CPNE4: variants seen among roughly 807,000 people sequenced by gnomAD.
CPNE4 encodes copine-4.
In CPNE4, 25 loss-of-function variants were observed where a neutral mutation model predicts 67.9. That is an observed-to-expected ratio of 0.37 (90% CI 0.27 to 0.51). The LOEUF (loss-of-function observed/expected upper bound fraction) is 0.51, where lower values mean the gene tolerates loss of function less well. CPNE4 is among the 20% of genes least tolerant of loss of function. The pLI is 0.93. For missense variants in CPNE4, 464 were observed against 690.8 expected, an observed-to-expected ratio of 0.67 and a Z score of 3.68; for synonymous variants, 242 against 244.9, an observed-to-expected ratio of 0.99 and a Z score of 0.11.
rs1560322894 is a variant in CPNE4, at chr3:131,792,698, TATACAC to T, written c.181-69079_181-69074del. Among the ~76,000 whole-genome samples, 73 of 78,208 alleles carry T rather than the reference TATACAC, an allele frequency of 9.3e-4. 1 individual carries two copies. The highest frequency in any genetic ancestry group is 3.1e-3 in the African/African-American group (58 of 18,626). The allele number at this position is 78,208 out of a possible 152,430, so 51.3% of individuals were successfully genotyped here. A position where few individuals can be genotyped will look rare whatever the true frequency, so the allele number is the denominator to read the frequency against. Reference sequence around the variant, plus strand: ...ATATATACACACGTGTATATATACATATACACACACGTGTATATATGTATATATATA... The same window carrying T: ...ATATATACACACGTGTATATATACATACACGTGTATATATGTATATATATA... On this transcript the variant is annotated intron_variant, in intron 2 of 15. Coordinates refer to ENST00000429747, the MANE Select transcript of CPNE4 (RefSeq NM_130808.3).
At chr3:131,768,455 T>C (rs1417023400) in intron 2 of CPNE4, among the ~76,000 whole-genome samples, 1 of 152,134 alleles carries the variant, frequency 6.6e-6, no homozygotes, top group African/African-American at 2.4e-5. Flanking sequence ...ATGTTGATCT[T>C]TTCTTTCCAT....
chr3:131,596,621 C>CAAAAAAAAAAAAAAAAAAA (rs58456346), intron 7 of CPNE4, among the ~76,000 whole-genome samples: 1 of 32,980 alleles, frequency 3.0e-5, no homozygotes, highest in African/African-American at 9.4e-5. Context: ...GACTCCGTCT[C>CAAAAAAAAAAAAAAAAAAA]AAAAAAAAAA....
At chr3:131,978,172 T>C (rs1185438855) in intron 1 of CPNE4, among the ~76,000 whole-genome samples, 2 of 71,460 alleles carry the variant, frequency 2.8e-5, no homozygotes, top group African/African-American at 1.4e-4. Flanking sequence ...TATATAAATA[T>C]GTAAATATAT....
chr3:131,782,676 A>C (rs561916469), intron 2 of CPNE4, among the ~76,000 whole-genome samples: 1 of 152,230 alleles, frequency 6.6e-6, no homozygotes, highest in South Asian at 2.1e-4. Context: ...GGTTTCCTTC[A>C]TAGGGAATGA....
rs577877379 is a variant in CPNE4 at position 131,570,309 on chromosome 3, T to C, written c.927+4762A>G. ...TTGATTTTTCTACCATTTTCTCTTT[T>C]TATTTATTTATTTATTTATTTATTT... On this transcript the variant is annotated intron_variant, in intron 10 of 15. Transcript: ENST00000429747. Among the ~76,000 whole-genome samples the C allele has an allele frequency of 1.0e-3, 147 of 145,132 alleles. 1 individual carries two copies. Among genetic ancestry groups the C allele is most frequent in the African/African-American group, 3.9e-3 (142 of 36,310 alleles).
intron 2 of CPNE4, 73 bp downstream of exon 2, chr3:131,905,191 G>C (rs975807136): frequency 7.7e-7 from 1 of 1,294,662 alleles, no homozygotes; most frequent in African/African-American, 1.5e-5. Flanking sequence ...ACCACCTGAA[G>C]ATATAAAATA....
chr3:131,545,970 G>C (rs1461662165), intron 14 of CPNE4, among the ~76,000 whole-genome samples: 3 of 152,124 alleles, frequency 2.0e-5, no homozygotes, highest in Admixed American at 2.0e-4. Flanking sequence ...GCTAAGGCAG[G>C]AGAATCATTT....
intron 2 of CPNE4, among the ~76,000 whole-genome samples, chr3:131,847,431 T>C (rs911774903): frequency 2.6e-5 from 4 of 152,192 alleles, no homozygotes; most frequent in Non-Finnish European, 1.5e-5. Context: ...CCTGGGCATA[T>C]ATGATTAAGC....
chr3:132,000,596 G>A (rs565685000), intron 1 of CPNE4, among the ~76,000 whole-genome samples: 102 of 151,660 alleles, frequency 6.7e-4, no homozygotes, highest in Non-Finnish European at 1.2e-3. Flanking sequence ...TTAAGGAAGA[G>A]ACAAAATTTT....
chr3:131,623,822 C>G (rs1269657327), intron 7 of CPNE4, among the ~76,000 whole-genome samples: 1 of 152,206 alleles, frequency 6.6e-6, no homozygotes, highest in Non-Finnish European at 1.5e-5. Flanking sequence ...ATAGCTAAAC[C>G]AGTTCAGTTG....
At position 131,552,493 on chromosome 3, in the gene CPNE4, TA is replaced by T; in HGVS notation, c.1117-3del. On this transcript the variant is annotated splice_region_variant and splice_polypyrimidine_tract_variant and intron_variant, in intron 12 of 15. Transcript: ENST00000429747. The stretch of plus-strand genomic sequence containing the variant: ...GTTGATTGCAAAGTCATGAGAGACC[TA>T]GACACCGATTAAAATTTAAAAAACA... 6.2e-7 allele frequency: 1 copy of T among 1,611,222 alleles called. No individual in the cohort carries two copies.
intron 2 of CPNE4, among the ~76,000 whole-genome samples, chr3:131,796,444 G>GCA (rs2107897256): frequency 6.6e-6 from 1 of 152,290 alleles, no homozygotes; most frequent in East Asian, 1.9e-4. Context: ...CAGGTCAAGA[G>GCA]CACACAACCA....
Position 131,535,113 on chromosome 3 carries a change from A to T in CPNE4, c.*82T>A. The T allele has an allele frequency of 7.2e-7, 1 of 1,386,134 alleles. No individual in the cohort carries two copies. Among genetic ancestry groups the T allele is most frequent in the Non-Finnish European group, 9.7e-7 (1 of 1,032,108 alleles). 85.9% of individuals were successfully genotyped at this position (1,386,134 alleles called of 1,614,324 possible). A position where few individuals can be genotyped will look rare whatever the true frequency, so the allele number is the denominator to read the frequency against. ...ATGTGTATATGTTGTTGGTTTTTTA[A>T]AGTACAGGAGTAGTAGAAGTATTAA... is the stretch of plus-strand genomic sequence containing the variant. On this transcript the variant is annotated 3_prime_UTR_variant, in exon 16 of 16. Transcript: ENST00000429747.
chr3:131,594,084 G>C (rs1164467900), intron 7 of CPNE4, among the ~76,000 whole-genome samples: 3 of 152,106 alleles, frequency 2.0e-5, no homozygotes, highest in African/African-American at 7.2e-5. Context: ...CCTGATCTTA[G>C]AGAAGAAGCT....
chr3:131,872,712 CTCTT>C (rs1354582142), intron 2 of CPNE4, among the ~76,000 whole-genome samples: 2 of 152,228 alleles, frequency 1.3e-5, no homozygotes, highest in Admixed American at 6.5e-5. Flanking sequence ...CTCTGTCTCT[CTCTT>C]TATCTCTCGG....
At chr3:131,770,116 A>G (rs2083129157) in intron 2 of CPNE4, among the ~76,000 whole-genome samples, 1 of 152,150 alleles carries the variant, frequency 6.6e-6, no homozygotes, top group Non-Finnish European at 1.5e-5. Context: ...TCACAGCACA[A>G]AATGTATTCT....
intron 1 of CPNE4, among the ~76,000 whole-genome samples, chr3:131,975,890 A>G (rs1421411886): frequency 6.6e-6 from 1 of 152,328 alleles, no homozygotes; most frequent in East Asian, 1.9e-4. Context: ...ATGGCTTGTA[A>G]CAGTGAAATA....
chr3:131,836,766 T>G (rs986318837), intron 2 of CPNE4, among the ~76,000 whole-genome samples: 3 of 152,214 alleles, frequency 2.0e-5, no homozygotes, highest in African/African-American at 7.2e-5. Flanking sequence ...CTAAAGGCAC[T>G]GTTATGAGAA....
intron 2 of CPNE4, among the ~76,000 whole-genome samples, chr3:131,881,176 C>T (rs1184850664): frequency 6.6e-6 from 1 of 152,194 alleles, no homozygotes; most frequent in African/African-American, 2.4e-5. Flanking sequence ...AACCTGAACG[C>T]TGTCCAAAAC....
Sources: gnomAD v4.1 joint callset for allele counts (sites outside exome capture counted in the v4.1 genomes callset) on GRCh38, gnomAD v4.1.1 for gene constraint, MANE v1.5 for transcripts, NCBI Gene and HGNC (gene_info 2026-07-23, HGNC 2026-07-21) for gene names.